Variants in IAH1 observed in about 807,000 individuals in gnomAD.
IAH1 encodes the protein isoamyl acetate-hydrolyzing esterase 1 homolog.
In IAH1, 24 loss-of-function variants were observed where a neutral mutation model predicts 26.7. That is an observed-to-expected ratio of 0.90 (90% CI 0.65 to 1.26). The LOEUF (loss-of-function observed/expected upper bound fraction) is 1.26. Among genes scored for constraint, IAH1 ranks in the 50% most tolerant of loss-of-function variants. The pLI, the probability that IAH1 is intolerant of heterozygous loss-of-function variation, is 0.00. For missense variants in IAH1, 300 were observed against 299.9 expected (o/e 1.00, Z 0.00); for synonymous variants, 140 against 118.5 (o/e 1.18, Z -1.18).
At chr2:9,496,722 CA>C (rs1176325149), downstream of IAH1, among the ~76,000 whole-genome samples, 11 of 152,292 alleles carry the variant, frequency 7.2e-5, no homozygotes, top group African/African-American at 2.6e-4. Context: ...GGAGTTGTTG[CA>C]GGAGTATCCT....
the IAH1 span, among the ~76,000 whole-genome samples, chr2:9,506,601 A>C: frequency 1.3e-5 from 2 of 151,882 alleles, no homozygotes; most frequent in African/African-American, 4.8e-5. Context: ...TCTTGACCTC[A>C]TGATCTGCCC....
At chr2:9,486,850 C>T (rs1661523679) in intron 5 of IAH1, 1 of 150,044 alleles carries the variant, frequency 6.7e-6, no homozygotes. Context: ...AAAAAAGTCA[C>T]ATAAGCTAGT....
downstream of IAH1, chr2:9,490,538 A>ATTGATTGATAGGAATAAT (rs1558490172): frequency 2.5e-6 from 4 of 1,597,980 alleles, no homozygotes; most frequent in South Asian, 4.5e-5. Context: ...CATGGGTTCA[A>ATTGATTGATAGGAATAAT]TTGATTGATA....
downstream of IAH1, among the ~76,000 whole-genome samples, chr2:9,498,620 T>G (rs1368492025): frequency 6.6e-6 from 1 of 152,220 alleles, no homozygotes; most frequent in East Asian, 1.9e-4. Flanking sequence ...TGATGGTTTA[T>G]TAAGTACCCA....
intron 1 of IAH1, chr2:9,475,229 G>C: frequency 7.8e-7 from 1 of 1,285,122 alleles, no homozygotes; most frequent in Non-Finnish European, 1.0e-6. Flanking sequence ...TTCTTACTTC[G>C]GGGAGGGAGT....
At chr2:9,497,008 A>C, downstream of IAH1, 2 of 1,514,606 alleles carry the variant, frequency 1.3e-6, no homozygotes. Context: ...CTCGGCTTGG[A>C]TCTCACCACT....
chr2:9,485,177 G>C (rs1479120404), intron 5 of IAH1: 1 of 152,368 alleles, frequency 6.6e-6, no homozygotes, highest in Non-Finnish European at 1.5e-5. Flanking sequence ...AAACACGCCA[G>C]TGTCCTTCTG....
the IAH1 span, among the ~76,000 whole-genome samples, chr2:9,504,317 T>C: frequency 2.6e-5 from 4 of 151,652 alleles, no homozygotes; most frequent in South Asian, 2.1e-4. Context: ...TGATGGTGCG[T>C]ACCTGTAGTC....
chr2:9,490,043 CA>C, downstream of IAH1: 2 of 808,250 alleles, frequency 2.5e-6, no homozygotes, highest in South Asian at 2.0e-5. Context: ...TGTTTACCTG[CA>C]GGAAGTTCAA....
the IAH1 span, chr2:9,509,903 GT>G: frequency 1.3e-6 from 2 of 1,546,896 alleles, no homozygotes; most frequent in African/African-American, 2.7e-5. Context: ...AATGGAATAC[GT>G]TTCTGAGCTC....
chr2:9,487,104 G>A (rs977515373), intron 5 of IAH1, among the ~76,000 whole-genome samples: 1 of 152,048 alleles, frequency 6.6e-6, no homozygotes, highest in African/African-American at 2.4e-5. Context: ...AGCCAGGTAT[G>A]GTGGCACGTG....
intron 2 of IAH1, among the ~76,000 whole-genome samples, chr2:9,477,992 T>TA (rs1660927483): frequency 6.6e-6 from 1 of 152,180 alleles, no homozygotes; most frequent in South Asian, 2.1e-4. Flanking sequence ...CCTTTATATA[T>TA]AATTACTTCT....
Position 9,488,494 on chromosome 2 carries a change from C to T in IAH1, c.*165C>T, listed in dbSNP as rs772392006. On this transcript the variant is annotated 3_prime_UTR_variant, in exon 6 of 6. Transcript: ENST00000497473. Reference sequence around the variant, plus strand: ...TTTTATACTTAGGTCCATTGTGTTTCGACAGTATTTATTAATGCAGATATC... The same window carrying T: ...TTTTATACTTAGGTCCATTGTGTTTTGACAGTATTTATTAATGCAGATATC... 6.5e-5 allele frequency: 33 copies of T among 505,824 alleles called. No homozygotes were observed. Among genetic ancestry groups the T allele is most frequent in the Middle Eastern group, 4.3e-4 (1 of 2,332 alleles). The allele number at this position is 505,824 out of a possible 1,614,324, so 31.3% of individuals were successfully genotyped here. A position where few individuals can be genotyped will look rare whatever the true frequency, so the allele number is the denominator to read the frequency against.
chr2:9,493,962 A>T (rs1266083332), downstream of IAH1: 1 of 645,066 alleles, frequency 1.6e-6, no homozygotes, highest in Non-Finnish European at 2.6e-6. Context: ...ACAAGGCAAT[A>T]ACTTCCGCGT....
At chr2:9,474,538 G>T, upstream of IAH1, 2 of 1,293,726 alleles carry the variant, frequency 1.5e-6, no homozygotes, top group Non-Finnish European at 1.0e-6. This position sits in a 1 kb window ranked among gnomAD's most constrained non-coding sequence, Gnocchi z 4.3. Flanking sequence ...CGTGGCTGGC[G>T]GCCCCGCCCC....
rs769104862 is a variant in IAH1 at position 9,481,270 on chromosome 2, T to C, written c.284-16T>C. ...TAAATATGCATCTGGTGAGGACTCA[T>C]GTTTCTCTTGAGCAGATGAGAATCC... On this transcript the variant is annotated splice_polypyrimidine_tract_variant and intron_variant, in intron 3 of 5. Coordinates refer to ENST00000497473, the MANE Select transcript of IAH1 (RefSeq NM_001039613.3). 2 of 1,613,610 alleles carry C rather than the reference T, an allele frequency of 1.2e-6. No homozygotes were observed. Among genetic ancestry groups the C allele is most frequent in the Non-Finnish European group, 1.7e-6 (2 of 1,179,628 alleles).
At chr2:9,501,634 C>A in the IAH1 span, among the ~76,000 whole-genome samples, 3 of 152,218 alleles carry the variant, frequency 2.0e-5, no homozygotes, top group Admixed American at 2.0e-4. Flanking sequence ...AACTGGTTAC[C>A]CTTCTAACTT....
chr2:9,478,463 T>C (rs1660956667), intron 3 of IAH1, 93 bp downstream of exon 3: 12 of 1,219,020 alleles, frequency 9.8e-6, no homozygotes, highest in Non-Finnish European at 8.0e-6. Flanking sequence ...AACTGTTTAC[T>C]TTCTCCCAAT....
In IAH1 at chr2:9,487,833, T is replaced by TGTGTGC. The variant is rs1192269311; in HGVS notation, c.565-313_565-312insTGTGCG. ...GTGTGTGTGTGTGTGTGTGTGTGTG[T>TGTGTGC]GCGCGCGCGCGCGCGCGCTGTGGGG... On this transcript the variant is annotated intron_variant, in intron 5 of 5. Transcript: ENST00000497473. Among the ~76,000 whole-genome samples the TGTGTGC allele has an allele frequency of 9.1e-4, 75 of 82,738 alleles. 1 individual carries two copies. Among genetic ancestry groups the TGTGTGC allele is most frequent in the African/African-American group, 1.7e-3 (36 of 21,204 alleles). 54.3% of individuals were successfully genotyped at this position (82,738 alleles called of 152,430 possible). A position where few individuals can be genotyped will look rare whatever the true frequency, so the allele number is the denominator to read the frequency against.
Sources: gnomAD v4.1 joint callset for allele counts (sites outside exome capture counted in the v4.1 genomes callset) on GRCh38, gnomAD v4.1.1 for gene constraint, Gnocchi (gnomAD v3.1) non-coding constraint, MANE v1.5 for transcripts, NCBI Gene and HGNC (gene_info 2026-07-23, HGNC 2026-07-21) for gene names.